P2RY6: variants seen among roughly 807,000 people sequenced by gnomAD.
The protein encoded by P2RY6 is P2Y purinoceptor 6.
In P2RY6, 19 loss-of-function variants were observed where a neutral mutation model predicts 16.3. That is an observed-to-expected ratio of 1.16 (90% CI 0.81 to 1.71). The LOEUF (loss-of-function observed/expected upper bound fraction) is 1.71. Ranked by LOEUF, P2RY6 falls within the 40% of genes most tolerant of loss-of-function variation. The pLI, the probability that P2RY6 is intolerant of heterozygous loss-of-function variation, is 0.00. For missense variants in P2RY6, 389 were observed against 455.5 expected (o/e 0.85, Z 1.33); for synonymous variants, 184 against 201.5 (o/e 0.91, Z 0.74).
chr11:73,295,883 G>A (rs981834613), intron 2 of P2RY6, 68 bp downstream of exon 2: 6 of 579,442 alleles, frequency 1.0e-5, no homozygotes, highest in African/African-American at 1.0e-4. Flanking sequence ...GACCCTGGGC[G>A]AAGATGCAGA....
chr11:73,285,173 C>T (rs1431995275), intron 1 of P2RY6, among the ~76,000 whole-genome samples: 1 of 152,160 alleles, frequency 6.6e-6, no homozygotes, highest in Non-Finnish European at 1.5e-5. Context: ...CAGGCTCAAG[C>T]GATTTTCCCA....
chr11:73,270,854 G>T (rs1863273353), upstream of P2RY6, among the ~76,000 whole-genome samples: 2 of 152,106 alleles, frequency 1.3e-5, no homozygotes, highest in African/African-American at 2.4e-5. Flanking sequence ...CTGGGAGAGG[G>T]TGATCTGGCA....
intron 1 of P2RY6, among the ~76,000 whole-genome samples, chr11:73,293,562 G>A (rs977551464): frequency 6.6e-6 from 1 of 152,228 alleles, no homozygotes; most frequent in African/African-American, 2.4e-5. Flanking sequence ...GGAGGTGGGA[G>A]CCAAGAGCAC....
At chr11:73,288,404 T>C (rs996699892) in intron 1 of P2RY6, among the ~76,000 whole-genome samples, 1 of 152,208 alleles carries the variant, frequency 6.6e-6, no homozygotes, top group Non-Finnish European at 1.5e-5. Context: ...AGTTTTAGCT[T>C]TAATTCCTGT....
chr11:73,274,394 A>C (rs1863443947), intron 1 of P2RY6, among the ~76,000 whole-genome samples: 1 of 152,178 alleles, frequency 6.6e-6, no homozygotes, highest in African/African-American at 2.4e-5. Flanking sequence ...TGACTGAGCA[A>C]CTACAATGTG....
In P2RY6 at chr11:73,283,109, T is replaced by C. The variant is rs961628421; in HGVS notation, c.-121+10643T>C. Among the ~76,000 whole-genome samples the C allele has an allele frequency of 3.3e-5, 5 of 152,148 alleles. No individual in the cohort carries two copies. The South Asian group carries it at 6.2e-4, about 19-fold the overall frequency. On this transcript the variant is annotated intron_variant, in intron 1 of 2. Transcript: ENST00000540124. ...TGACAGAGGGGTACAAATGCTGGGA[T>C]TGGGCATTTGGATCTAATTCCATGG... is the stretch of plus-strand genomic sequence containing the variant.
chr11:73,281,669 A>G (rs12808111), intron 1 of P2RY6, among the ~76,000 whole-genome samples: 32,227 of 152,198 alleles, frequency 0.21, 4,401 homozygotes, highest in African/African-American at 0.39. Context: ...CCAGCTGCCC[A>G]GGGGCAAGGC....
intron 1 of P2RY6, chr11:73,289,570 C>T (rs965301004): frequency 6.6e-5 from 10 of 152,334 alleles, no homozygotes; most frequent in African/African-American, 2.4e-4. Flanking sequence ...GAGGGGAGGC[C>T]CCCCACTGTG....
chr11:73,280,552 C>T (rs1430773678), intron 1 of P2RY6, among the ~76,000 whole-genome samples: 1 of 152,182 alleles, frequency 6.6e-6, no homozygotes, highest in South Asian at 2.1e-4. Context: ...CCCTCCATGC[C>T]TGTGTTCTGG....
intron 1 of P2RY6, among the ~76,000 whole-genome samples, chr11:73,281,073 C>T (rs781343368): frequency 6.6e-6 from 1 of 152,084 alleles, no homozygotes; most frequent in Non-Finnish European, 1.5e-5. Context: ...ACAAACAGGG[C>T]TTGGTGATTG....
intron 1 of P2RY6, 102 bp downstream of exon 1, chr11:73,272,568 C>T: frequency 1.5e-5 from 14 of 940,872 alleles, no homozygotes; most frequent in Non-Finnish European, 1.8e-5. Flanking sequence ...AGGCTCATCA[C>T]AGGCAAGAGT....
At chr11:73,269,305 C>T (rs890572628), upstream of P2RY6, among the ~76,000 whole-genome samples, 7 of 152,098 alleles carry the variant, frequency 4.6e-5, no homozygotes, top group Non-Finnish European at 8.8e-5. Context: ...CTCCCCTCCC[C>T]GTGAGGAGCC....
At chr11:73,285,772 G>A (rs111878689) in intron 1 of P2RY6, among the ~76,000 whole-genome samples, 8 of 152,160 alleles carry the variant, frequency 5.3e-5, no homozygotes, top group African/African-American at 1.7e-4. Flanking sequence ...CACAGACCAC[G>A]GCCTCATCCT....
intron 1 of P2RY6, among the ~76,000 whole-genome samples, chr11:73,288,019 C>T (rs7127705): frequency 0.12 from 18,175 of 152,238 alleles, 1,177 homozygotes; most frequent in Middle Eastern, 0.16. Flanking sequence ...CCACCGGGGC[C>T]GCGTGGTCTC....
At chr11:73,270,552 C>T (rs888890499), upstream of P2RY6, among the ~76,000 whole-genome samples, 1 of 152,148 alleles carries the variant, frequency 6.6e-6, no homozygotes, top group Non-Finnish European at 1.5e-5. Flanking sequence ...AGGCAAGTCC[C>T]GACCCTCTCT....
At chr11:73,276,286 T>C (rs1342424652) in intron 1 of P2RY6, among the ~76,000 whole-genome samples, 2 of 152,248 alleles carry the variant, frequency 1.3e-5, no homozygotes, top group Non-Finnish European at 2.9e-5. Context: ...AATGAAAAAG[T>C]ATACAGCCAT....
intron 1 of P2RY6, among the ~76,000 whole-genome samples, chr11:73,292,279 AAAG>A (rs1237187787): frequency 4.6e-5 from 7 of 152,216 alleles, no homozygotes; most frequent in Admixed American, 6.5e-5. Context: ...TGTGTGGAGA[AAAG>A]AAGAAGAGGG....
At position 73,297,523 on chromosome 11, in the gene P2RY6, C is replaced by T. The variant is rs1314054346; in HGVS notation, c.*18C>T. 6.9e-6 allele frequency: 11 copies of T among 1,588,466 alleles called. No homozygotes were observed. Among genetic ancestry groups the T allele is most frequent in the Non-Finnish European group, 9.5e-6 (11 of 1,161,976 alleles). On this transcript the variant is annotated 3_prime_UTR_variant, in exon 3 of 3. Transcript: ENST00000540124. ...GTCGCTGAGTCCTCCAGGTCCTGGG[C>T]AGCCTTCATATTTGCCATTGTGTCC...
chr11:73,274,204 C>T (rs1863435856), intron 1 of P2RY6, among the ~76,000 whole-genome samples: 1 of 152,166 alleles, frequency 6.6e-6, no homozygotes, highest in African/African-American at 2.4e-5. Context: ...CAACTAGCGG[C>T]AGTGCTAGGG....
Sources: gnomAD v4.1 joint callset for allele counts (sites outside exome capture counted in the v4.1 genomes callset) on GRCh38, gnomAD v4.1.1 for gene constraint, MANE v1.5 for transcripts, NCBI Gene and HGNC (gene_info 2026-07-23, HGNC 2026-07-21) for gene names.